CLEC16A: variants seen among roughly 807,000 people sequenced by gnomAD.
CLEC16A encodes C-type lectin domain containing 16A.
In CLEC16A, 51 loss-of-function variants were observed where a neutral mutation model predicts 109.5. The ratio of observed to expected loss-of-function variants is 0.47; its 90% CI spans 0.37 to 0.59. The LOEUF (loss-of-function observed/expected upper bound fraction) is 0.59, where lower values mean the gene tolerates loss of function less well. Ranked by LOEUF, CLEC16A falls within the 20% of genes least tolerant of loss-of-function variation. CLEC16A has a pLI of 0.00. For synonymous variants in CLEC16A, 673 were observed against 564.2 expected (o/e 1.19, Z -2.73); for missense variants, 1,339 against 1,394.0 (o/e 0.96, Z 0.63).
intron 10 of CLEC16A, among the ~76,000 whole-genome samples, chr16:10,985,821 T>G (rs374292984): frequency 4.4e-5 from 5 of 114,666 alleles, no homozygotes; most frequent in Non-Finnish European, 7.6e-5. Context: ...GGTTCAAGCG[T>G]CAGCCTCCCA....
intron 11 of CLEC16A, among the ~76,000 whole-genome samples, chr16:11,014,705 C>G (rs573314378): frequency 4.1e-4 from 63 of 152,314 alleles, no homozygotes; most frequent in African/African-American, 1.4e-3. Context: ...TGCCTCAGTC[C>G]CGGCCTTGGG....
intron 19 of CLEC16A, among the ~76,000 whole-genome samples, chr16:11,092,954 G>A (rs77178426): frequency 4.6e-5 from 7 of 152,352 alleles, no homozygotes; most frequent in Non-Finnish European, 1.0e-4. Flanking sequence ...GACAGGCCAG[G>A]AGGCAGGAAG....
At chr16:11,163,784 G>A (rs181187462) in intron 22 of CLEC16A, among the ~76,000 whole-genome samples, 6 of 152,246 alleles carry the variant, frequency 3.9e-5, no homozygotes, top group Non-Finnish European at 7.4e-5. Flanking sequence ...GGTCATTGTC[G>A]GGAGCATACA....
intron 2 of CLEC16A, among the ~76,000 whole-genome samples, chr16:10,959,131 A>G (rs1246580874): frequency 6.6e-6 from 1 of 151,816 alleles, no homozygotes; most frequent in Admixed American, 6.6e-5. Flanking sequence ...CTGGTTTCTT[A>G]TTAGATATCC....
chr16:11,160,096 T>G, intron 22 of CLEC16A, among the ~76,000 whole-genome samples: 1 of 152,130 alleles, frequency 6.6e-6, no homozygotes, highest in Non-Finnish European at 1.5e-5. Context: ...CTCAGGTAGT[T>G]TTCACATCTT....
chr16:11,122,408 G>A (rs1323506709), intron 20 of CLEC16A, among the ~76,000 whole-genome samples: 5 of 152,172 alleles, frequency 3.3e-5, no homozygotes, highest in African/African-American at 1.2e-4. Flanking sequence ...AGAATTTAGT[G>A]TCAGGCAAGT....
At chr16:11,148,163 G>A (rs2054146000) in intron 22 of CLEC16A, among the ~76,000 whole-genome samples, 1 of 152,204 alleles carries the variant, frequency 6.6e-6, no homozygotes, top group East Asian at 1.9e-4. Flanking sequence ...GAAGTGCGGT[G>A]AGTAGTTCGT....
rs374930088 is a variant in CLEC16A, at chr16:11,118,710, C to T, written c.2117-1905C>T. Among the ~76,000 whole-genome samples, 8 of 152,350 alleles carry T rather than the reference C, an allele frequency of 5.3e-5. No homozygotes were observed. In the East Asian group the frequency reaches 1.5e-3, roughly 29 times the overall value. Reference sequence around the variant, plus strand: ...TGAGGTCTTAGTCATACATTCTTTGCATAGACCAATGTCCAGAGAGTTTTC... The same window carrying T: ...TGAGGTCTTAGTCATACATTCTTTGTATAGACCAATGTCCAGAGAGTTTTC... On this transcript the variant is annotated intron_variant, in intron 19 of 23. Transcript: ENST00000409790.
chr16:11,178,241 A>G lies in CLEC16A; in HGVS notation c.2807-94A>G. On this transcript the variant is annotated intron_variant, in intron 23 of 23. Coordinates refer to ENST00000409790, the MANE Select transcript of CLEC16A (RefSeq NM_015226.3). The surrounding 1 kb of genome is among the most constrained non-coding windows in gnomAD (Gnocchi z 6.5). ...CAGCCAGCCACCTCCCACCTAGCTC[A>G]CCAGGGCCGCGGTTCAGGATGGGAG... 8.6e-7 allele frequency: 1 copy of G among 1,159,366 alleles called. No individual in the cohort carries two copies. Among genetic ancestry groups the G allele is most frequent in the Non-Finnish European group, 1.2e-6 (1 of 802,214 alleles). The allele number at this position is 1,159,366 out of a possible 1,614,324, so 71.8% of individuals were successfully genotyped here. A position where few individuals can be genotyped will look rare whatever the true frequency, so the allele number is the denominator to read the frequency against.
intron 13 of CLEC16A, among the ~76,000 whole-genome samples, chr16:11,028,649 A>G (rs2046564480): frequency 6.6e-6 from 1 of 152,050 alleles, no homozygotes; most frequent in African/African-American, 2.4e-5. Flanking sequence ...CTAACGTACC[A>G]TAAAATTAAC....
chr16:11,046,355 A>G (rs900114366), intron 16 of CLEC16A, among the ~76,000 whole-genome samples: 1 of 152,060 alleles, frequency 6.6e-6, no homozygotes, highest in Non-Finnish European at 1.5e-5. Context: ...TGTTTTCAGG[A>G]ATTGTCTTTC....
chr16:10,958,760 C>T (rs771218987), intron 2 of CLEC16A, among the ~76,000 whole-genome samples: 29 of 152,080 alleles, frequency 1.9e-4, no homozygotes, highest in Non-Finnish European at 1.0e-4. Context: ...AAAAATTAGT[C>T]ATGCATGGTT....
intron 13 of CLEC16A, among the ~76,000 whole-genome samples, chr16:11,039,249 A>G (rs2047188539): frequency 6.6e-6 from 1 of 152,162 alleles, no homozygotes; most frequent in African/African-American, 2.4e-5. Context: ...CTTTTTAACA[A>G]AGATCAGGTC....
intron 18 of CLEC16A, among the ~76,000 whole-genome samples, chr16:11,055,315 C>G (rs8044044): frequency 1.3e-5 from 2 of 152,120 alleles, no homozygotes; most frequent in Admixed American, 6.5e-5. Flanking sequence ...ATAGAGTGAT[C>G]GGAAGAGCTT....
At chr16:11,149,657 T>C (rs956793792) in intron 22 of CLEC16A, among the ~76,000 whole-genome samples, 1 of 151,988 alleles carries the variant, frequency 6.6e-6, no homozygotes, top group African/African-American at 2.4e-5. Context: ...GGCATGATGG[T>C]GCCCACCGGT....
Position 11,125,975 on chromosome 16 carries a change from G to A in CLEC16A, c.2474-4G>A, listed in dbSNP as rs753516891. 8 of 1,592,108 alleles carry A rather than the reference G, an allele frequency of 5.0e-6. No individual in the cohort carries two copies. The highest frequency in any genetic ancestry group is 3.3e-5 in the South Asian group (3 of 90,608). On this transcript the variant is annotated splice_polypyrimidine_tract_variant and splice_region_variant and intron_variant, in intron 21 of 23. Coordinates refer to ENST00000409790, the MANE Select transcript of CLEC16A (RefSeq NM_015226.3). ...GAGTGAACCATGCTATTGTTTGACC[G>A]TAGCCCTCCTGGACCTCCCAATCCA... is the stretch of plus-strand genomic sequence containing the variant.
At chr16:10,969,590 C>G (rs2042682742) in intron 4 of CLEC16A, among the ~76,000 whole-genome samples, 1 of 152,228 alleles carries the variant, frequency 6.6e-6, no homozygotes, top group African/African-American at 2.4e-5. Flanking sequence ...CACAAGCGAT[C>G]CTCCTACCTT....
chr16:11,092,554 A>C (rs2050374179), intron 19 of CLEC16A, among the ~76,000 whole-genome samples: 1 of 152,142 alleles, frequency 6.6e-6, no homozygotes, highest in Non-Finnish European at 1.5e-5. Context: ...ACACAAACAC[A>C]AAAAAGCCCA....
In CLEC16A at chr16:10,961,913, A is replaced by C. The variant is rs566063961; in HGVS notation, c.210-542A>C. Among the ~76,000 whole-genome samples, 15 of 151,892 alleles carry C rather than the reference A, an allele frequency of 9.9e-5. No individual in the cohort carries two copies. Among genetic ancestry groups the C allele is most frequent in the Non-Finnish European group, 1.6e-4 (11 of 67,992 alleles). Reference sequence around the variant, plus strand: ...TTTCTCATGATTAAACTGGCAGTTAAGGGGAAGAAAACCGTAGGGCTAAAG... The same window carrying C: ...TTTCTCATGATTAAACTGGCAGTTACGGGGAAGAAAACCGTAGGGCTAAAG... On this transcript the variant is annotated intron_variant, in intron 2 of 23. Coordinates refer to ENST00000409790, the MANE Select transcript of CLEC16A (RefSeq NM_015226.3). This position sits in a 1 kb window ranked among gnomAD's most constrained non-coding sequence, Gnocchi z 4.3.
Sources: allele counts gnomAD v4.1 joint callset (sites outside exome capture counted in the v4.1 genomes callset), GRCh38; gene constraint gnomAD v4.1.1; non-coding constraint Gnocchi (gnomAD v3.1); transcripts MANE v1.5; gene names NCBI Gene and HGNC (gene_info 2026-07-23, HGNC 2026-07-21).